Variants in SNCAIP observed in about 807,000 individuals in gnomAD.
SNCAIP encodes synuclein alpha interacting protein.
Under a neutral mutation model 86.7 loss-of-function variants are expected in SNCAIP, and 43 were observed. The ratio of observed to expected loss-of-function variants is 0.50; its 90% confidence interval spans 0.39 to 0.64. The LOEUF is 0.64. Among genes scored for constraint, SNCAIP ranks in the 30% least tolerant of loss-of-function variants. SNCAIP has a pLI of 0.00. For synonymous variants in SNCAIP, 417 were observed against 427.2 expected (o/e 0.98, Z 0.29); for missense variants, 981 against 1,103.1 (o/e 0.89, Z 1.57).
chr5:122,340,260 G>A (rs146602834), intron 1 of SNCAIP, among the ~76,000 whole-genome samples: 2 of 152,212 alleles, frequency 1.3e-5, no homozygotes, highest in African/African-American at 4.8e-5. Flanking sequence ...TACATGTGAT[G>A]GATGAGGAGG....
intron 1 of SNCAIP, among the ~76,000 whole-genome samples, chr5:122,345,951 C>A (rs142323003): frequency 6.6e-6 from 1 of 151,880 alleles, no homozygotes; most frequent in African/African-American, 2.4e-5. Flanking sequence ...CTGTGCCCAG[C>A]CTTCAGGATT....
intron 1 of SNCAIP, among the ~76,000 whole-genome samples, chr5:122,361,875 A>G (rs755993580): frequency 2.6e-5 from 4 of 152,188 alleles, no homozygotes; most frequent in Non-Finnish European, 4.4e-5. Context: ...TATCAGTACA[A>G]TCAGCTTTTA....
chr5:122,346,551 T>G (rs1163706390), intron 1 of SNCAIP, among the ~76,000 whole-genome samples: 1 of 152,034 alleles, frequency 6.6e-6, no homozygotes, highest in Non-Finnish European at 1.5e-5. Flanking sequence ...ACTTCCTCTT[T>G]TCTCTTTATT....
intron 1 of SNCAIP, among the ~76,000 whole-genome samples, chr5:122,345,347 T>C (rs778909327): frequency 2.0e-5 from 3 of 152,242 alleles, no homozygotes; most frequent in Non-Finnish European, 2.9e-5. Flanking sequence ...ATAATGGATT[T>C]GTTTTTGTTT....
At chr5:122,399,144 T>G (rs1771245678) in intron 2 of SNCAIP, among the ~76,000 whole-genome samples, 1 of 152,178 alleles carries the variant, frequency 6.6e-6, no homozygotes, top group African/African-American at 2.4e-5. Context: ...TTAGTTCTCA[T>G]GTCTTCATCT....
At chr5:122,453,067 A>G (rs1784037472) in intron 10 of SNCAIP, 2 of 937,498 alleles carry the variant, frequency 2.1e-6, no homozygotes, top group Admixed American at 2.1e-5. Flanking sequence ...CTTTTAAATC[A>G]TGGACTTGGA....
chr5:122,422,007 T>G (rs1450108898), intron 3 of SNCAIP, among the ~76,000 whole-genome samples: 1 of 85,080 alleles, frequency 1.2e-5, no homozygotes, highest in African/African-American at 5.3e-5. Context: ...TGCACAGAAA[T>G]TAGAAAAAAA....
At chr5:122,420,866 A>T (rs1776241058) in intron 3 of SNCAIP, among the ~76,000 whole-genome samples, 1 of 152,226 alleles carries the variant, frequency 6.6e-6, no homozygotes, top group African/African-American at 2.4e-5. Flanking sequence ...ACATTTCATA[A>T]ATAACTTTAG....
chr5:122,450,046 C>A, intron 9 of SNCAIP, 109 bp downstream of exon 9: 1 of 818,320 alleles, frequency 1.2e-6, no homozygotes, highest in Non-Finnish European at 2.0e-6. Flanking sequence ...AAAACATTTT[C>A]TTCTTATAAA....
chr5:122,443,656 C>T (rs1259449804), intron 7 of SNCAIP: 1 of 456,852 alleles, frequency 2.2e-6, no homozygotes, highest in East Asian at 7.0e-5. Context: ...CCTATCTCTT[C>T]TGGGCTGCAG....
chr5:122,361,227 G>A (rs1285003751), intron 1 of SNCAIP, among the ~76,000 whole-genome samples: 2 of 147,940 alleles, frequency 1.4e-5, no homozygotes, highest in East Asian at 3.9e-4. Context: ...CCAAAGACCT[G>A]TCTTTATCAT....
At chr5:122,377,352 G>A (rs1051751105) in intron 1 of SNCAIP, among the ~76,000 whole-genome samples, 5 of 152,046 alleles carry the variant, frequency 3.3e-5, no homozygotes, top group African/African-American at 4.8e-5. Flanking sequence ...GTGTTTGCAT[G>A]TATTTTTTTC....
At chr5:122,440,496 T>A in intron 6 of SNCAIP, 133 bp from the exon 7 acceptor site, 1 of 828,700 alleles carries the variant, frequency 1.2e-6, no homozygotes, top group African/African-American at 1.7e-5. Flanking sequence ...CACATCTGAA[T>A]GAGAATTTTC....
intron 1 of SNCAIP, among the ~76,000 whole-genome samples, chr5:122,380,222 G>C (rs1766396664): frequency 6.6e-6 from 1 of 152,268 alleles, no homozygotes; most frequent in African/African-American, 2.4e-5. Flanking sequence ...TTCAGCTCCT[G>C]TTATTGGTCT....
intron 3 of SNCAIP, among the ~76,000 whole-genome samples, chr5:122,407,801 A>G (rs989300120): frequency 1.3e-5 from 2 of 152,238 alleles, no homozygotes; most frequent in Non-Finnish European, 2.9e-5. Context: ...GTCCAAAGCC[A>G]ATCAGATCTT....
chr5:122,408,254 A>G (rs184564555), intron 3 of SNCAIP, among the ~76,000 whole-genome samples: 2 of 152,250 alleles, frequency 1.3e-5, no homozygotes, highest in East Asian at 3.9e-4. Context: ...GGTTTCCCAC[A>G]TATCTTTTCT....
intron 10 of SNCAIP, among the ~76,000 whole-genome samples, chr5:122,459,497 T>G (rs1785597875): frequency 6.6e-6 from 1 of 152,208 alleles, no homozygotes; most frequent in Non-Finnish European, 1.5e-5. Context: ...CCAAACACTT[T>G]CGTTCTTTGA....
At chr5:122,463,460 A>G (rs1450853073) in intron 10 of SNCAIP, 31 bp from the exon 11 acceptor site, 2 of 1,286,300 alleles carry the variant, frequency 1.6e-6, no homozygotes, top group South Asian at 2.4e-5. Flanking sequence ...AGTTTTATCT[A>G]ATTTTGGCCT....
In SNCAIP at chr5:122,360,713, T is replaced by G. The variant is rs562713122; in HGVS notation, c.-46-30376T>G. 3.9e-5 allele frequency among the ~76,000 whole-genome samples: 6 copies of G among 152,332 alleles called. No homozygotes were observed. The South Asian group carries it at 1.2e-3, about 32-fold the overall frequency. Reference sequence around the variant, plus strand: ...TGCTCAAAAAGTAGTACTGTCTGTTTAGCATCATGAAATTCAGTAGCTGGA... The same window carrying G: ...TGCTCAAAAAGTAGTACTGTCTGTTGAGCATCATGAAATTCAGTAGCTGGA... On this transcript the variant is annotated intron_variant, in intron 1 of 10. Coordinates refer to ENST00000261368, the MANE Select transcript of SNCAIP (RefSeq NM_005460.4).
Sources: allele counts gnomAD v4.1 joint callset (sites outside exome capture counted in the v4.1 genomes callset), GRCh38; gene constraint gnomAD v4.1.1; transcripts MANE v1.5; gene names NCBI Gene and HGNC (gene_info 2026-07-23, HGNC 2026-07-21).